EME2: variants seen among roughly 807,000 people sequenced by gnomAD.
EME2 encodes essential meiotic structure-specific endonuclease subunit 2, also known as structure-specific endonuclease subunit EME2.
In EME2, 58 loss-of-function variants were observed where a neutral mutation model predicts 41.9. That is an observed-to-expected ratio of 1.38 (90% confidence interval 1.12 to 1.72). The LOEUF is 1.72. Ranked by LOEUF, EME2 falls within the 40% of genes most tolerant of loss-of-function variation. The pLI is 0.00. For synonymous variants in EME2, 334 were observed against 239.3 expected, an observed-to-expected ratio of 1.40 and a Z score of -3.65; for missense variants, 695 against 541.9, an observed-to-expected ratio of 1.28 and a Z score of -2.81.
At chr16:1,774,530 C>T (rs1212189477) in intron 3 of EME2, among the ~76,000 whole-genome samples, 178 bp downstream of exon 3, 3 of 152,232 alleles carry the variant, frequency 2.0e-5, no homozygotes, top group Admixed American at 6.5e-5. Flanking sequence ...GAGAAAGCTC[C>T]TGGGCACCTG....
chr16:1,777,387 C>A lies in EME2; in HGVS notation c.*1149C>A. 1 of 1,593,332 alleles carries A rather than the reference C, an allele frequency of 6.3e-7. No homozygotes were observed. The highest frequency in any genetic ancestry group is 2.2e-5 in the East Asian group (1 of 44,464). ...GTGACCTTCATGCTGCTCCGGGCCG[C>A]CGTGGAGCACACCATCGGGTAGAAT... On this transcript the variant is annotated 3_prime_UTR_variant, in exon 8 of 8. Transcript: ENST00000568449.
At position 1,778,698 on chromosome 16, in the gene EME2, C is replaced by G; in HGVS notation, c.*2460C>G. The G allele has an allele frequency of 6.9e-7, 1 of 1,441,232 alleles. No homozygotes were observed. The allele number at this position is 1,441,232 out of a possible 1,614,324, so 89.3% of individuals were successfully genotyped here. A position where few individuals can be genotyped will look rare whatever the true frequency, so the allele number is the denominator to read the frequency against. On this transcript the variant is annotated 3_prime_UTR_variant, in exon 8 of 8. Transcript: ENST00000568449. The stretch of plus-strand genomic sequence containing the variant: ...CCTCTGTCCCTGTCCCACCCTGTCC[C>G]TGACCCACCCAGGAAAGGATGGGGG...
rs773077546 is a variant in EME2, at chr16:1,775,951, G to A, written c.934G>A (p.Val312Ile). The stretch of plus-strand genomic sequence containing the variant: ...CAGCCCAGCCGTGGCTGATGCAGTT[G>A]TCACAGCCTTCCCCTCCCCCCGCCT... ...RVSPAVADAV[V>I]TAFPSPRLLQ... Residue 312 changes from valine to isoleucine, a missense_variant, in exon 7 of 8, where the codon GTC becomes ATC. Val to Ile is a conservative substitution (Grantham distance 29). Coordinates refer to ENST00000568449, the MANE Select transcript of EME2 (RefSeq NM_001257370.2). 6.2e-6 allele frequency: 10 copies of A among 1,611,130 alleles called. No homozygotes were observed. The highest frequency in any genetic ancestry group is 5.0e-5 in the Admixed American group (3 of 59,948).
rs1379857146 is a variant in EME2, at chr16:1,780,981, C to T, written c.*4743C>T. The T allele has an allele frequency of 5.1e-6, 2 of 390,054 alleles. No individual in the cohort carries two copies. The highest frequency in any genetic ancestry group is 1.4e-4 in the East Asian group (2 of 14,082). The allele number at this position is 390,054 out of a possible 1,614,324, so 24.2% of individuals were successfully genotyped here. A position where few individuals can be genotyped will look rare whatever the true frequency, so the allele number is the denominator to read the frequency against. ...CTCCTGGGCTCAAGTGGTCCTCCAGCTTCAGCCTCCCAAAGTGCTAGGATT... is the reference window on the plus strand; with the variant it reads ...CTCCTGGGCTCAAGTGGTCCTCCAGTTTCAGCCTCCCAAAGTGCTAGGATT... On this transcript the variant is annotated 3_prime_UTR_variant, in exon 8 of 8. Coordinates refer to ENST00000568449, the MANE Select transcript of EME2 (RefSeq NM_001257370.2).
chr16:1,772,994 C>T lies in EME2; in HGVS notation c.-234C>T. 1.4e-6 allele frequency: 2 copies of T among 1,453,894 alleles called. No homozygotes were observed. Among genetic ancestry groups the T allele is most frequent in the South Asian group, 2.8e-5 (2 of 71,578 alleles). 90.1% of individuals were successfully genotyped at this position (1,453,894 alleles called of 1,614,324 possible). On this transcript the variant is annotated 5_prime_UTR_variant, in exon 1 of 8. Coordinates refer to ENST00000568449, the MANE Select transcript of EME2 (RefSeq NM_001257370.2). Reference sequence around the variant, plus strand: ...GCAGCCGGCGTCCAGAGAACGGCCGCGTCAAGGTCTCGTAGTCCACCGCGT... The same window carrying T: ...GCAGCCGGCGTCCAGAGAACGGCCGTGTCAAGGTCTCGTAGTCCACCGCGT...
At position 1,775,847 on chromosome 16, in the gene EME2, C is replaced by T. The variant is rs772425480; in HGVS notation, c.830C>T (p.Ala277Val). The T allele has an allele frequency of 6.2e-7, 1 of 1,611,358 alleles. No homozygotes were observed. Among genetic ancestry groups the T allele is most frequent in the Non-Finnish European group, 8.5e-7 (1 of 1,179,658 alleles). Residue 277 changes from alanine (A) to valine (V), a missense_variant, in exon 7 of 8, where the codon GCA becomes GTA. Physicochemically the swap from Ala to Val is moderately conservative, Grantham distance 64. Coordinates refer to ENST00000568449, the MANE Select transcript of EME2 (RefSeq NM_001257370.2). ...AFSFCTAGRWAAGEPVARDGA... is the reference protein window; with the variant it reads ...AFSFCTAGRWVAGEPVARDGA... ...TCCTTCTGCACAGCAGGGCGCTGGGCAGCCGGCGAGCCAGTGGCAAGAGAC... is the reference window on the plus strand; with the variant it reads ...TCCTTCTGCACAGCAGGGCGCTGGGTAGCCGGCGAGCCAGTGGCAAGAGAC...
rs1469161107 is a variant in EME2, at chr16:1,776,927, G to C, written c.*689G>C. ...CCAGCACAGCAGCAGAGGGGCCCTA[G>C]AGCCCCCACAGAAAGGACTGTCCCA... On this transcript the variant is annotated 3_prime_UTR_variant, in exon 8 of 8. Transcript: ENST00000568449. The C allele has an allele frequency of 2.7e-6, 2 of 753,196 alleles. No homozygotes were observed. The highest frequency in any genetic ancestry group is 4.2e-6 in the Non-Finnish European group (2 of 477,716). The allele number at this position is 753,196 out of a possible 1,614,324, so 46.7% of individuals were successfully genotyped here.
rs2042752206 is a variant in EME2, at chr16:1,778,741, T to G, written c.*2503T>G. 1.2e-5 allele frequency: 12 copies of G among 1,035,106 alleles called. No homozygotes were observed. Among genetic ancestry groups the G allele is most frequent in the Non-Finnish European group, 1.6e-5 (12 of 738,102 alleles). The allele number at this position is 1,035,106 out of a possible 1,614,324, so 64.1% of individuals were successfully genotyped here. The stretch of plus-strand genomic sequence containing the variant: ...GATGGGGGTCCAGGCCTCCAGGGAC[T>G]TCACAGTACCCCGAGCGCACAGCCC... On this transcript the variant is annotated 3_prime_UTR_variant, in exon 8 of 8. Coordinates refer to ENST00000568449, the MANE Select transcript of EME2 (RefSeq NM_001257370.2).
rs373382970 is a variant in EME2 at position 1,781,657 on chromosome 16, G to A, written c.*5419G>A. The A allele has an allele frequency of 1.5e-6, 1 of 671,444 alleles. No individual in the cohort carries two copies. The highest frequency in any genetic ancestry group is 2.5e-6 in the Non-Finnish European group (1 of 397,824). The allele number at this position is 671,444 out of a possible 1,614,324, so 41.6% of individuals were successfully genotyped here. Reference sequence around the variant, plus strand: ...TTCAGGAGCCCGTACCTCACTCCAGGATCTGAGCAGCTCAATAAAACCCAG... The same window carrying A: ...TTCAGGAGCCCGTACCTCACTCCAGAATCTGAGCAGCTCAATAAAACCCAG... On this transcript the variant is annotated 3_prime_UTR_variant, in exon 8 of 8. Coordinates refer to ENST00000568449, the MANE Select transcript of EME2 (RefSeq NM_001257370.2).
Position 1,778,657 on chromosome 16 carries a change from ACCCTCTCACCCTTG to A in EME2, c.*2426_*2439del. On this transcript the variant is annotated 3_prime_UTR_variant, in exon 8 of 8. Transcript: ENST00000568449. The stretch of plus-strand genomic sequence containing the variant: ...TGTTACTACCTGTTGCCCGCTCTCT[ACCCTCTCACCCTTG>A]CCCTCTGTCCCTGTCCCACCCTGTC... The A allele has an allele frequency of 6.6e-7, 1 of 1,510,308 alleles. No individual in the cohort carries two copies. The highest frequency in any genetic ancestry group is 8.8e-7 in the Non-Finnish European group (1 of 1,132,760). 93.6% of individuals were successfully genotyped at this position (1,510,308 alleles called of 1,614,324 possible). A position where few individuals can be genotyped will look rare whatever the true frequency, so the allele number is the denominator to read the frequency against.
chr16:1,773,131 G>T lies in EME2; in HGVS notation c.-97G>T, dbSNP rs1248725563. ...TTCTTCCGCGCCATGGCGGGTCCGC[G>T]TCCTCAGCGGTCCGGCCGGAAGTCA... On this transcript the variant is annotated 5_prime_UTR_variant, in exon 1 of 8. Transcript: ENST00000568449. The T allele has an allele frequency of 2.9e-6, 4 of 1,389,502 alleles. No individual in the cohort carries two copies. Among genetic ancestry groups the T allele is most frequent in the Admixed American group, 3.5e-5 (1 of 28,862 alleles). The allele number at this position is 1,389,502 out of a possible 1,614,324, so 86.1% of individuals were successfully genotyped here. A position where few individuals can be genotyped will look rare whatever the true frequency, so the allele number is the denominator to read the frequency against.
chr16:1,777,946 C>T lies in EME2; in HGVS notation c.*1708C>T. 1.2e-6 allele frequency: 2 copies of T among 1,612,656 alleles called. No homozygotes were observed. Among genetic ancestry groups the T allele is most frequent in the East Asian group, 2.2e-5 (1 of 44,856 alleles). On this transcript the variant is annotated 3_prime_UTR_variant, in exon 8 of 8. Transcript: ENST00000568449. ...CCGCCCCACCCTGGGCCTCACGCAC[C>T]CGTGTAGGAGAGGCCCCAGCTGTCC...
In EME2 at chr16:1,777,037, A is replaced by G. The variant is rs2042724007; in HGVS notation, c.*799A>G. Reference sequence around the variant, plus strand: ...GTGGCTGGAAGGAAGGGACAGAGAAAGAAGGGACAGAGGAAAGGGGCTGTC... The same window carrying G: ...GTGGCTGGAAGGAAGGGACAGAGAAGGAAGGGACAGAGGAAAGGGGCTGTC... On this transcript the variant is annotated 3_prime_UTR_variant, in exon 8 of 8. Transcript: ENST00000568449. The G allele has an allele frequency of 3.2e-6, 5 of 1,550,456 alleles. No individual in the cohort carries two copies. The African/African-American group carries it at 5.4e-5, about 17-fold the overall frequency.
Position 1,778,089 on chromosome 16 carries a change from C to T in EME2, c.*1851C>T, listed in dbSNP as rs745969511. On this transcript the variant is annotated 3_prime_UTR_variant, in exon 8 of 8. Transcript: ENST00000568449. ...AGGCAGAGGGCGCGGGGCTGGGCTG[C>T]CGGAGCCAGGTTCCCCAGAAGCACC... 1 of 1,612,932 alleles carries T rather than the reference C, an allele frequency of 6.2e-7. No homozygotes were observed. The highest frequency in any genetic ancestry group is 1.1e-5 in the South Asian group (1 of 91,074).
chr16:1,781,064 A>G lies in EME2; in HGVS notation c.*4826A>G. On this transcript the variant is annotated 3_prime_UTR_variant, in exon 8 of 8. Transcript: ENST00000568449. ...TGGAGAATTTCTGTTGAATGAACCA[A>G]AAGCAACTGCCAACCTCTCCATGCA... The G allele has an allele frequency of 9.5e-7, 1 of 1,054,298 alleles. No homozygotes were observed. Among genetic ancestry groups the G allele is most frequent in the East Asian group, 3.6e-5 (1 of 27,920 alleles). 65.3% of individuals were successfully genotyped at this position (1,054,298 alleles called of 1,614,324 possible).
At chr16:1,774,438 C>CTG (rs2042679393) in intron 3 of EME2, 86 bp downstream of exon 3, 1 of 1,130,726 alleles carries the variant, frequency 8.8e-7, no homozygotes, top group Non-Finnish European at 1.3e-6. Flanking sequence ...GTCCCTGCCC[C>CTG]TGTAGACGGG....
At position 1,778,424 on chromosome 16, in the gene EME2, C is replaced by A. The variant is rs367742723; in HGVS notation, c.*2186C>A. The A allele has an allele frequency of 6.2e-7, 1 of 1,606,948 alleles. No individual in the cohort carries two copies. The highest frequency in any genetic ancestry group is 8.5e-7 in the Non-Finnish European group (1 of 1,176,926). On this transcript the variant is annotated 3_prime_UTR_variant, in exon 8 of 8. Transcript: ENST00000568449. The stretch of plus-strand genomic sequence containing the variant: ...AGTGCAGTCCCAGCAGGGGCTGGGC[C>A]CCACGCTCACACTCGTCTTCCTCTC...
At position 1,776,376 on chromosome 16, in the gene EME2, A is replaced by G. The variant is rs2235636; in HGVS notation, c.*138A>G. ...GGCTGAGCAGGTCTGACCTCAGGGG[A>G]AGGGTGGGTGGTTGCAGGGGAAGTT... On this transcript the variant is annotated 3_prime_UTR_variant, in exon 8 of 8. Coordinates refer to ENST00000568449, the MANE Select transcript of EME2 (RefSeq NM_001257370.2). The G allele has an allele frequency of 0.9, 642,382 of 717,644 alleles. 288,394 individuals are homozygous for G. The highest frequency in any genetic ancestry group is 0.95 in the Admixed American group (33,657 of 35,500). The allele number at this position is 717,644 out of a possible 1,614,324, so 44.5% of individuals were successfully genotyped here.
chr16:1,774,339 C>T lies in EME2; in HGVS notation c.464C>T (p.Ala155Val), dbSNP rs1344078787. The stretch of plus-strand genomic sequence containing the variant: ...CCCGAGGAGTTTCTGCAGGGCGTCG[C>T]CACACTGACCCAGGTGCTCGGGTGG... The part of the protein sequence containing the change: ...LEPEEFLQGV[A>V]TLTQISGPTH... The change falls in exon 3 of 8, where the codon GCC becomes GTC. Residue 155 changes from alanine to valine, a missense_variant. Coordinates refer to ENST00000568449, the MANE Select transcript of EME2 (RefSeq NM_001257370.2). The T allele has an allele frequency of 1.9e-6, 3 of 1,612,698 alleles. No homozygotes were observed. The highest frequency in any genetic ancestry group is 2.2e-5 in the East Asian group (1 of 44,884).
Sources: allele counts gnomAD v4.1 joint callset (sites outside exome capture counted in the v4.1 genomes callset), GRCh38; gene constraint gnomAD v4.1.1; transcripts MANE v1.5; gene names NCBI Gene and HGNC (gene_info 2026-07-23, HGNC 2026-07-21).